The following MTAP variants were observed in gnomAD, a reference collection of about 807,000 sequenced individuals.
MTAP encodes the protein S-methyl-5'-thioadenosine phosphorylase.
A neutral mutation model predicts 33.6 loss-of-function variants in MTAP; 33 were observed. That is an observed-to-expected ratio of 0.98 (90% CI 0.74 to 1.31). The LOEUF (loss-of-function observed/expected upper bound fraction) is 1.31. MTAP is among the 40% of genes most tolerant of loss of function. The probability of loss-of-function intolerance (pLI) is 0.00; values close to 1 mark genes in which losing one functional copy is unlikely to be tolerated. For synonymous variants in MTAP, 148 were observed against 125.7 expected (o/e 1.18, Z -1.19); for missense variants, 367 against 360.0 (o/e 1.02, Z -0.16).
chr9:21,828,952 A>G (rs901889008), intron 4 of MTAP, among the ~76,000 whole-genome samples: 1 of 152,180 alleles, frequency 6.6e-6, no homozygotes, highest in African/African-American at 2.4e-5. Flanking sequence ...GAGCACATAT[A>G]TCATTCATTA....
At chr9:21,835,634 A>G (rs1322728727) in intron 4 of MTAP, among the ~76,000 whole-genome samples, 1 of 152,130 alleles carries the variant, frequency 6.6e-6, no homozygotes, top group East Asian at 1.9e-4. Context: ...CTTCTGATTT[A>G]TCTGATAGAG....
At chr9:21,930,794 A>C in intron 1 of MTAP, 4 of 708,866 alleles carry the variant, frequency 5.6e-6, no homozygotes, top group Non-Finnish European at 9.8e-6. Context: ...AATCAGTAAA[A>C]GTACAAAACA....
rs73438573 is a variant in MTAP, at chr9:21,859,195, G to T, written c.691-108G>T. 0.022 allele frequency: 32,147 copies of T among 1,462,170 alleles called. 3,844 individuals are homozygous for T. The African/African-American group carries it at 0.31, about 14-fold the overall frequency. 90.6% of individuals were successfully genotyped at this position (1,462,170 alleles called of 1,614,324 possible). A position where few individuals can be genotyped will look rare whatever the true frequency, so the allele number is the denominator to read the frequency against. On this transcript the variant is annotated intron_variant, in intron 6 of 7. Transcript: ENST00000644715. The stretch of plus-strand genomic sequence containing the variant: ...ATTCGGTTTCAGCAGATAAATTTGA[G>T]GGGACACAAACATTTAGGCTGTAGC...
At chr9:21,901,741 C>T (rs145662524) in intron 1 of MTAP, among the ~76,000 whole-genome samples, 84 of 152,194 alleles carry the variant, frequency 5.5e-4, no homozygotes, top group African/African-American at 2.0e-3. Flanking sequence ...TATGAGGAAC[C>T]CACATGGGCC....
At chr9:21,816,593 T>C (rs998890688) in intron 2 of MTAP, 121 bp from the exon 3 acceptor site, 7 of 764,240 alleles carry the variant, frequency 9.2e-6, no homozygotes, top group Admixed American at 5.2e-5. Context: ...ATCTTGCCTC[T>C]TCTCTAAGTT....
chr9:21,903,141 G>C (rs1316706703), intron 1 of MTAP, among the ~76,000 whole-genome samples: 1 of 152,090 alleles, frequency 6.6e-6, no homozygotes, highest in Non-Finnish European at 1.5e-5. Context: ...GCATTGAATG[G>C]GGCCTGCTTT....
intron 6 of MTAP, 106 bp downstream of exon 6, chr9:21,854,976 A>G: frequency 1.4e-6 from 2 of 1,447,396 alleles, no homozygotes; most frequent in Non-Finnish European, 1.9e-6. Context: ...GTGCCTTTCT[A>G]CAAGGTTTTG....
chr9:21,815,088 AT>A (rs1463735354), intron 1 of MTAP, among the ~76,000 whole-genome samples: 1 of 152,230 alleles, frequency 6.6e-6, no homozygotes, highest in Non-Finnish European at 1.5e-5. Flanking sequence ...TTCCACTACC[AT>A]ACTTGCCTAC....
chr9:21,816,857 T>G, intron 3 of MTAP, 85 bp downstream of exon 3: 1 of 1,139,100 alleles, frequency 8.8e-7, no homozygotes, highest in Non-Finnish European at 1.3e-6. Flanking sequence ...AAGATACAGG[T>G]CTGAGCTTTT....
At position 21,863,289 on chromosome 9, in the gene MTAP, C is replaced by CT; in HGVS notation, c.*1282dup. On this transcript the variant is annotated 3_prime_UTR_variant, in exon 8 of 8. Coordinates refer to ENST00000644715, the MANE Select transcript of MTAP (RefSeq NM_002451.4). The stretch of plus-strand genomic sequence containing the variant: ...AAAGTGGAAGCTTGCTTTTTTAACT[C>CT]TTTTTTTATTGTTATTTTATAGAAA... 1 of 984,396 alleles carries CT rather than the reference C, an allele frequency of 1.0e-6. No homozygotes were observed. Among genetic ancestry groups the CT allele is most frequent in the Non-Finnish European group, 1.2e-6 (1 of 829,064 alleles). 61.0% of individuals were successfully genotyped at this position (984,396 alleles called of 1,614,324 possible).
rs1244507161 is a variant in MTAP at position 21,866,758 on chromosome 9, A to G, written c.*4744A>G. On this transcript the variant is annotated 3_prime_UTR_variant, in exon 8 of 8. Transcript: ENST00000644715. ...TATTAAGCTTCTCCATTTTTCTTTA[A>G]GAAAAAATCTGCTGGAATGGCACTG... 1.3e-5 allele frequency: 2 copies of G among 152,122 alleles called. No homozygotes were observed. The highest frequency in any genetic ancestry group is 4.1e-4 in the South Asian group (2 of 4,828). The allele number at this position is 152,122 out of a possible 1,614,324, so 9.4% of individuals were successfully genotyped here. A position where few individuals can be genotyped will look rare whatever the true frequency, so the allele number is the denominator to read the frequency against.
intron 1 of MTAP, among the ~76,000 whole-genome samples, chr9:21,913,988 CT>C (rs1263758460): frequency 3.3e-5 from 5 of 152,188 alleles, no homozygotes; most frequent in Non-Finnish European, 5.9e-5. Flanking sequence ...ACAGACACTT[CT>C]CAAAAGAAGA....
intron 1 of MTAP, chr9:21,892,625 T>A (rs1818218470): frequency 6.6e-6 from 1 of 152,174 alleles, no homozygotes; most frequent in Admixed American, 6.5e-5. Context: ...TAAGACAAGT[T>A]CTTAAAGACC....
chr9:21,924,963 C>A (rs905026772), intron 1 of MTAP, among the ~76,000 whole-genome samples: 11 of 152,142 alleles, frequency 7.2e-5, no homozygotes, highest in African/African-American at 2.7e-4. Context: ...TGGGACAAAC[C>A]CTGTCTAAGG....
At chr9:21,839,494 C>T (rs1185955547) in intron 5 of MTAP, among the ~76,000 whole-genome samples, 1 of 152,144 alleles carries the variant, frequency 6.6e-6, no homozygotes, top group African/African-American at 2.4e-5. Flanking sequence ...CACAATGGAG[C>T]TGTATAGAGC....
exon 2 of MTAP, chr9:21,931,182 C>T (rs1818952301): frequency 1.3e-6 from 1 of 740,944 alleles, no homozygotes. Flanking sequence ...CATGCAGCCA[C>T]CCTGCCCTGA....
rs1825791190 is a variant in MTAP at position 21,863,373 on chromosome 9, C to T, written c.*1359C>T. On this transcript the variant is annotated 3_prime_UTR_variant, in exon 8 of 8. Transcript: ENST00000644715. ...ATGTAATCCCAGCACTGTGGGAGGCCGAGACGGGTGGATCACAAGGTCAGG... is the reference window on the plus strand; with the variant it reads ...ATGTAATCCCAGCACTGTGGGAGGCTGAGACGGGTGGATCACAAGGTCAGG... 1.1e-6 allele frequency: 1 copy of T among 899,572 alleles called. No homozygotes were observed. Among genetic ancestry groups the T allele is most frequent in the Non-Finnish European group, 1.3e-6 (1 of 751,978 alleles). The allele number at this position is 899,572 out of a possible 1,614,324, so 55.7% of individuals were successfully genotyped here. A position where few individuals can be genotyped will look rare whatever the true frequency, so the allele number is the denominator to read the frequency against.
At chr9:21,896,151 C>T (rs1231682529) in intron 1 of MTAP, among the ~76,000 whole-genome samples, 1 of 152,168 alleles carries the variant, frequency 6.6e-6, no homozygotes, top group African/African-American at 2.4e-5. Flanking sequence ...CAACCTGCTC[C>T]TGAATGACTA....
rs1298906792 is a variant in MTAP, at chr9:21,864,264, C to G, written c.*2250C>G. 2.0e-6 allele frequency: 2 copies of G among 985,196 alleles called. No homozygotes were observed. Among genetic ancestry groups the G allele is most frequent in the African/African-American group, 3.5e-5 (2 of 57,226 alleles). 61.0% of individuals were successfully genotyped at this position (985,196 alleles called of 1,614,324 possible). A position where few individuals can be genotyped will look rare whatever the true frequency, so the allele number is the denominator to read the frequency against. On this transcript the variant is annotated 3_prime_UTR_variant, in exon 8 of 8. Transcript: ENST00000644715. ...TCAATCATTCACTCCTTATGCAAAGCCAATATAATTTTCCTCATACCTTAT... is the reference window on the plus strand; with the variant it reads ...TCAATCATTCACTCCTTATGCAAAGGCAATATAATTTTCCTCATACCTTAT...
Sources: gnomAD v4.1 joint callset for allele counts (sites outside exome capture counted in the v4.1 genomes callset) on GRCh38, gnomAD v4.1.1 for gene constraint, MANE v1.5 for transcripts, NCBI Gene and HGNC (gene_info 2026-07-23, HGNC 2026-07-21) for gene names.